The following DMD variants were observed in gnomAD, a reference collection of about 807,000 sequenced individuals.
DMD encodes the protein mutant dystrophin.
In DMD, 63 loss-of-function variants were observed where a neutral mutation model predicts 330.1. That is an observed-to-expected ratio of 0.19 (90% CI 0.16 to 0.24). DMD has a LOEUF of 0.24. Ranked by LOEUF, DMD falls within the 10% of genes least tolerant of loss-of-function variation. The pLI, the probability that DMD is intolerant of heterozygous loss-of-function variation, is 1.00. For missense variants in DMD, 3,344 were observed against 2,684.1 expected (o/e 1.25, Z -5.43); for synonymous variants, 1,223 against 959.8 (o/e 1.27, Z -5.07).
At chrX:32,859,166 G>A (rs1043749416) in intron 2 of DMD, among the ~76,000 whole-genome samples, 8 of 110,984 alleles carry the variant, frequency 7.2e-5, no homozygotes, top group African/African-American at 2.3e-4. Flanking sequence ...CCAAATTCTA[G>A]GTGTAAAAAC....
intron 60 of DMD, among the ~76,000 whole-genome samples, chrX:31,421,996 C>T (rs1340346124): frequency 2.7e-5 from 2 of 73,820 alleles, no homozygotes; most frequent in African/African-American, 1.6e-4. Context: ...TGTATATATA[C>T]ACACACATAT....
At chrX:32,014,415 T>C (rs2095743100) in intron 44 of DMD, among the ~76,000 whole-genome samples, 2 of 111,411 alleles carry the variant, frequency 1.8e-5, no homozygotes, top group South Asian at 3.8e-4. Flanking sequence ...AATCCAAGCA[T>C]TGGAAATTGA....
chrX:33,061,020 A>T (rs2094576471), intron 1 of DMD, among the ~76,000 whole-genome samples: 1 of 111,913 alleles, frequency 8.9e-6, no homozygotes, highest in East Asian at 2.8e-4. Context: ...ATCACATTTT[A>T]ACAATTTGTT....
At chrX:33,139,868 T>TAAAAAAAAAAAAAAAAAA (rs3990971) in intron 1 of DMD, among the ~76,000 whole-genome samples, 2 of 64,348 alleles carry the variant, frequency 3.1e-5, no homozygotes, top group African/African-American at 1.6e-4. Context: ...GCCCCATCGC[T>TAAAAAAAAAAAAAAAAAA]AAAAAAAAAA....
chrX:31,214,937 CTTT>C (rs761569710), intron 64 of DMD, among the ~76,000 whole-genome samples: 4 of 38,101 alleles, frequency 1.0e-4, no homozygotes, highest in Non-Finnish European at 1.7e-4. Flanking sequence ...TTTCTTTTTT[CTTT>C]TTTTTTTTTT....
intron 55 of DMD, among the ~76,000 whole-genome samples, chrX:31,546,974 C>T (rs936963656): frequency 3.6e-5 from 4 of 112,127 alleles, no homozygotes; most frequent in African/African-American, 1.3e-4. Context: ...AAAATCAAAG[C>T]GATAACTCAA....
rs190969761 is a variant in DMD at position 31,406,897 on chromosome X, G to A, written c.9084+37584C>T. Among the ~76,000 whole-genome samples the A allele has an allele frequency of 2.6e-3, 285 of 111,498 alleles. 2 individuals are homozygous for A. Among genetic ancestry groups the A allele is most frequent in the African/African-American group, 8.3e-3 (255 of 30,684 alleles). On this transcript the variant is annotated intron_variant, in intron 60 of 78. Transcript: ENST00000357033. Reference sequence around the variant, plus strand: ...GAGTCTCCTAGCTGCATTTACAAAGGCACATTTAAGGCACCCTAATCCAAG... The same window carrying A: ...GAGTCTCCTAGCTGCATTTACAAAGACACATTTAAGGCACCCTAATCCAAG...
chrX:32,038,938 A>G (rs2095974921), intron 44 of DMD, among the ~76,000 whole-genome samples: 1 of 111,590 alleles, frequency 9.0e-6, no homozygotes, highest in African/African-American at 3.3e-5. Context: ...AATCAGAAGC[A>G]GAGACAGCAG....
At chrX:32,592,709 T>C (rs1048968496) in intron 13 of DMD, among the ~76,000 whole-genome samples, 53 of 112,229 alleles carry the variant, frequency 4.7e-4, no homozygotes, top group African/African-American at 1.5e-3. Context: ...CACCATGCTA[T>C]GGGCAATGAG....
intron 12 of DMD, among the ~76,000 whole-genome samples, chrX:32,596,752 G>A (rs2055596511): frequency 9.1e-6 from 1 of 109,735 alleles, no homozygotes; most frequent in African/African-American, 3.3e-5. Flanking sequence ...TCACCACGTT[G>A]GCCAGGCTGC....
intron 9 of DMD, among the ~76,000 whole-genome samples, chrX:32,662,968 A>G (rs2061045922): frequency 8.9e-6 from 1 of 112,093 alleles, no homozygotes; most frequent in African/African-American, 3.2e-5. Context: ...ACAGACCTCA[A>G]AGTCCTTTGT....
chrX:32,164,672 C>T (rs764470328), intron 44 of DMD, among the ~76,000 whole-genome samples: 1 of 111,485 alleles, frequency 9.0e-6, no homozygotes, highest in Non-Finnish European at 1.9e-5. Context: ...TAACAAGGAG[C>T]CCAATGTTAA....
At chrX:31,380,401 A>G (rs922562556) in intron 60 of DMD, among the ~76,000 whole-genome samples, 12 of 109,242 alleles carry the variant, frequency 1.1e-4, no homozygotes, top group Admixed American at 7.9e-4. Flanking sequence ...CACAAGCATA[A>G]GACACCTCTA....
chrX:33,002,882 GAAAA>G (rs2093318791), intron 2 of DMD, among the ~76,000 whole-genome samples: 1 of 72,406 alleles, frequency 1.4e-5, no homozygotes, highest in African/African-American at 5.1e-5. Flanking sequence ...AAAAGAAGAA[GAAAA>G]AAGAAAAAAG....
chrX:32,468,587 T>A lies in DMD; in HGVS notation c.3073A>T (p.Ile1025Phe). ...GAGAGCTTCTTCCAGCGTCCCTCAATTTCTTCAAATTCTGATTGATATTTC... is the reference window on the plus strand; with the variant it reads ...GAGAGCTTCTTCCAGCGTCCCTCAAATTCTTCAAATTCTGATTGATATTTC... ...SRKYQSEFEE[I>F]EGRWKKLSSQ... is the part of the protein sequence containing the mutation. The change falls in exon 23 of 79, where the codon ATT becomes TTT. Residue 1025 changes from isoleucine (I) to phenylalanine (F), a missense_variant. Transcript: ENST00000357033. 1 of 1,211,168 alleles carries A rather than the reference T, an allele frequency of 8.3e-7. No homozygotes were observed. Among genetic ancestry groups the A allele is most frequent in the Non-Finnish European group, 1.1e-6 (1 of 895,225 alleles).
chrX:32,824,236 T>C (rs1211126966), intron 4 of DMD, among the ~76,000 whole-genome samples: 3 of 111,701 alleles, frequency 2.7e-5, no homozygotes, highest in Admixed American at 9.5e-5. Context: ...TTATACAATC[T>C]GGTAATTGGG....
At chrX:33,054,740 C>A (rs182667814) in intron 1 of DMD, among the ~76,000 whole-genome samples, 38 of 111,942 alleles carry the variant, frequency 3.4e-4, no homozygotes, top group Non-Finnish European at 6.2e-4. Context: ...GGAACTGCAA[C>A]AATCCTGGCA....
intron 47 of DMD, among the ~76,000 whole-genome samples, chrX:31,921,655 G>A (rs1480827526): frequency 8.9e-6 from 1 of 112,038 alleles, no homozygotes; most frequent in East Asian, 2.8e-4. Flanking sequence ...CATTTTTTGA[G>A]CAATTACAAT....
At chrX:31,283,374 G>C (rs1186617618) in intron 62 of DMD, among the ~76,000 whole-genome samples, 1 of 111,364 alleles carries the variant, frequency 9.0e-6, no homozygotes, top group Non-Finnish European at 1.9e-5. Flanking sequence ...GTCTGAATTG[G>C]TGAAGAAAGC....
Sources: gnomAD v4.1 joint callset for allele counts (sites outside exome capture counted in the v4.1 genomes callset) on GRCh38, gnomAD v4.1.1 for gene constraint, MANE v1.5 for transcripts, NCBI Gene and HGNC (gene_info 2026-07-23, HGNC 2026-07-21) for gene names.